Variants in UNC13C observed in about 807,000 individuals in gnomAD.
UNC13C encodes protein unc-13 homolog C.
A neutral mutation model predicts 245.4 loss-of-function variants in UNC13C; 174 were observed. The observed-to-expected ratio is 0.71, with a 90% CI of 0.63 to 0.80. The LOEUF (loss-of-function observed/expected upper bound fraction) is 0.80, where lower values mean the gene tolerates loss of function less well. UNC13C is among the 30% of genes least tolerant of loss of function. UNC13C has a pLI of 0.00. For synonymous variants in UNC13C, 992 were observed against 895.1 expected, an observed-to-expected ratio of 1.11 and a Z score of -1.93; for missense variants, 2,829 against 2,602.9, an observed-to-expected ratio of 1.09 and a Z score of -1.89.
intron 1 of UNC13C, among the ~76,000 whole-genome samples, chr15:53,990,857 G>A (rs1894355594): frequency 6.6e-6 from 1 of 151,998 alleles, no homozygotes; most frequent in South Asian, 2.1e-4. Flanking sequence ...TGGCCAGGTG[G>A]CAACCATATG....
At chr15:54,463,389 A>T (rs950950674) in intron 19 of UNC13C, among the ~76,000 whole-genome samples, 1 of 149,706 alleles carries the variant, frequency 6.7e-6, no homozygotes, top group Non-Finnish European at 1.5e-5. Context: ...TTTGCAGTAA[A>T]TCTTACTGCT....
chr15:54,043,862 G>T (rs928235482), intron 2 of UNC13C, among the ~76,000 whole-genome samples: 1 of 152,132 alleles, frequency 6.6e-6, no homozygotes, highest in Admixed American at 6.5e-5. Context: ...TTTGGGCCTT[G>T]TATCACTCAC....
At chr15:54,551,154 C>T (rs1451106566) in intron 28 of UNC13C, among the ~76,000 whole-genome samples, 1 of 152,138 alleles carries the variant, frequency 6.6e-6, no homozygotes, top group Non-Finnish European at 1.5e-5. Flanking sequence ...GACCCAGATA[C>T]TCACTGCCTC....
intron 18 of UNC13C, among the ~76,000 whole-genome samples, chr15:54,412,850 C>T (rs1341307649): frequency 2.6e-5 from 4 of 152,228 alleles, no homozygotes; most frequent in African/African-American, 7.2e-5. Flanking sequence ...TGAGAGTCAA[C>T]ATCATCATCT....
At chr15:54,049,376 T>C (rs1897177806) in intron 2 of UNC13C, 1 of 517,110 alleles carries the variant, frequency 1.9e-6, no homozygotes. Flanking sequence ...GCCTGCAGGA[T>C]AAAACTAACA....
rs367750206 is a variant in UNC13C, at chr15:54,338,370, C to T, written c.4594C>T (p.Leu1532=). The T allele has an allele frequency of 9.9e-6, 16 of 1,611,604 alleles. No individual in the cohort carries two copies. The highest frequency in any genetic ancestry group is 1.3e-5 in the Non-Finnish European group (15 of 1,178,518). ...TGTCTGTCTTTGTCAGGTTCTGGAG[C>T]TGCAAAGCCCCCCAAAAGCGAGCAT... The part of the protein sequence containing the change: ...ITFFRMKVLE[L]QSPPKASMVV... The change falls in exon 17 of 33, where the codon CTG becomes TTG. Residue 1532 remains leucine (L), a synonymous_variant. Transcript: ENST00000260323.
At chr15:54,481,812 C>T (rs1437235771) in intron 19 of UNC13C, among the ~76,000 whole-genome samples, 3 of 152,160 alleles carry the variant, frequency 2.0e-5, no homozygotes, top group East Asian at 1.9e-4. Flanking sequence ...CATGGGGATG[C>T]CAGCAGTGGC....
At chr15:54,111,734 T>G (rs1900785352) in intron 2 of UNC13C, among the ~76,000 whole-genome samples, 1 of 152,038 alleles carries the variant, frequency 6.6e-6, no homozygotes, top group African/African-American at 2.4e-5. Context: ...TTTGGGTAAA[T>G]GGAAAGCCTA....
chr15:54,189,908 G>C (rs912271554), intron 4 of UNC13C, among the ~76,000 whole-genome samples: 2 of 151,998 alleles, frequency 1.3e-5, no homozygotes, highest in Non-Finnish European at 2.9e-5. Context: ...AAAAATAGAA[G>C]TGATTTAGGT....
the UNC13C span, among the ~76,000 whole-genome samples, chr15:53,953,911 G>A: frequency 2.0e-5 from 3 of 152,234 alleles, no homozygotes; most frequent in Non-Finnish European, 2.9e-5. Flanking sequence ...GTGGATAGAT[G>A]CTACGTGCAG....
intron 17 of UNC13C, among the ~76,000 whole-genome samples, chr15:54,362,338 T>A (rs1292641694): frequency 6.6e-6 from 1 of 152,190 alleles, no homozygotes; most frequent in Admixed American, 6.5e-5. Flanking sequence ...GGAAATTCTT[T>A]GCAAATGGTG....
At chr15:54,330,354 T>G (rs2038407237) in intron 14 of UNC13C, among the ~76,000 whole-genome samples, 1 of 152,002 alleles carries the variant, frequency 6.6e-6, no homozygotes, top group Non-Finnish European at 1.5e-5. Flanking sequence ...TGGTCATCCT[T>G]GGAGGAAAAG....
At chr15:54,487,380 A>C (rs529671984) in intron 19 of UNC13C, among the ~76,000 whole-genome samples, 47 of 152,262 alleles carry the variant, frequency 3.1e-4, no homozygotes, top group African/African-American at 1.1e-3. Context: ...AATAACAGAA[A>C]TGTGTCATGA....
At chr15:54,256,428 GGTTTCACTTTCCA>G (rs2036280724) in intron 8 of UNC13C, among the ~76,000 whole-genome samples, 1 of 152,074 alleles carries the variant, frequency 6.6e-6, no homozygotes, top group African/African-American at 2.4e-5. Flanking sequence ...CCTTATTCGT[GGTTTCACTTTCCA>G]GTTTCAGTCC....
In UNC13C at chr15:54,481,977, C is replaced by A. The variant is rs370259256; in HGVS notation, c.4934-12631C>A. Among the ~76,000 whole-genome samples, 20 of 152,320 alleles carry A rather than the reference C, an allele frequency of 1.3e-4. No individual in the cohort carries two copies. In the East Asian group the frequency reaches 2.7e-3, roughly 21 times the overall value. On this transcript the variant is annotated intron_variant, in intron 19 of 32. Coordinates refer to ENST00000260323, the MANE Select transcript of UNC13C (RefSeq NM_001080534.3). ...GAAGGCACTTGCAGGTGTGTGGCAG[C>A]ATTGCTCCTGTGAGGGGCAGGGTTG... is the stretch of plus-strand genomic sequence containing the variant.
chr15:54,361,855 T>C (rs977249938), intron 17 of UNC13C, among the ~76,000 whole-genome samples: 10 of 152,252 alleles, frequency 6.6e-5, no homozygotes, highest in African/African-American at 2.4e-4. Flanking sequence ...GGAAGACTTA[T>C]AGAGAGTACA....
At chr15:54,270,785 G>A (rs1048063122) in intron 10 of UNC13C, among the ~76,000 whole-genome samples, 1 of 152,096 alleles carries the variant, frequency 6.6e-6, no homozygotes, top group African/African-American at 2.4e-5. Flanking sequence ...AAGCTCAGAT[G>A]GGTTGTAGTA....
At chr15:54,287,858 TC>T (rs1280487154) in intron 10 of UNC13C, among the ~76,000 whole-genome samples, 1 of 152,224 alleles carries the variant, frequency 6.6e-6, no homozygotes, top group East Asian at 1.9e-4. Context: ...ATATGACTTT[TC>T]TACATGTATG....
intron 19 of UNC13C, among the ~76,000 whole-genome samples, chr15:54,480,916 A>T (rs1893070365): frequency 6.6e-6 from 1 of 152,192 alleles, no homozygotes; most frequent in Non-Finnish European, 1.5e-5. Flanking sequence ...TTAGCAGCAG[A>T]TTTCTCAGCA....
Sources: gnomAD v4.1 joint callset for allele counts (sites outside exome capture counted in the v4.1 genomes callset) on GRCh38, gnomAD v4.1.1 for gene constraint, MANE v1.5 for transcripts, NCBI Gene and HGNC (gene_info 2026-07-23, HGNC 2026-07-21) for gene names.